Variants in DCAF6 observed in about 807,000 individuals in gnomAD.
The protein encoded by DCAF6 is DDB1 and CUL4 associated factor 6.
In DCAF6, 54 loss-of-function variants were observed where a neutral mutation model predicts 125.1. The observed-to-expected ratio is 0.43, with a 90% CI of 0.35 to 0.54. DCAF6 has a LOEUF of 0.54. Ranked by LOEUF, DCAF6 falls within the 20% of genes least tolerant of loss-of-function variation. DCAF6 has a pLI of 0.01. For missense variants in DCAF6, 934 were observed against 1,161.7 expected, an observed-to-expected ratio of 0.80 and a Z score of 2.85; for synonymous variants, 371 against 390.4, an observed-to-expected ratio of 0.95 and a Z score of 0.58.
the DCAF6 span, chr1:167,919,935 A>G: frequency 6.8e-7 from 1 of 1,465,674 alleles, no homozygotes; most frequent in South Asian, 1.2e-5. Context: ...GTGCCATCTA[A>G]GTAGCTTTTG....
At chr1:168,019,407 A>G (rs1169540286) in intron 11 of DCAF6, 1 of 291,276 alleles carries the variant, frequency 3.4e-6, no homozygotes, top group Non-Finnish European at 7.2e-6. Flanking sequence ...CCTCATATAA[A>G]GGCCCCCATA....
intron 2 of DCAF6, among the ~76,000 whole-genome samples, chr1:167,953,059 T>A (rs1431582089): frequency 6.6e-6 from 1 of 152,196 alleles, no homozygotes; most frequent in African/African-American, 2.4e-5. Context: ...CGATTGACAT[T>A]TTCTTATATA....
the DCAF6 span, among the ~76,000 whole-genome samples, chr1:167,930,676 T>G: frequency 6.6e-6 from 1 of 152,186 alleles, no homozygotes; most frequent in African/African-American, 2.4e-5. Context: ...TGTCTTACAC[T>G]CAGGAGAGTT....
intron 2 of DCAF6, among the ~76,000 whole-genome samples, chr1:167,963,181 T>C (rs1168240279): frequency 6.6e-6 from 1 of 151,998 alleles, no homozygotes; most frequent in Non-Finnish European, 1.5e-5. Context: ...GGAGAATCGC[T>C]TGAACTCAGG....
the DCAF6 span, chr1:167,875,130 C>A: frequency 1.9e-6 from 3 of 1,613,858 alleles, no homozygotes; most frequent in Non-Finnish European, 2.5e-6. Flanking sequence ...CTACTACCTA[C>A]CCAGCAAAGG....
At chr1:168,011,935 TGCACTCCA>T (rs765174645) in intron 10 of DCAF6, among the ~76,000 whole-genome samples, 18 of 152,052 alleles carry the variant, frequency 1.2e-4, no homozygotes, top group Admixed American at 7.9e-4. Flanking sequence ...ATCACTCCAT[TGCACTCCA>T]GCCTGGGCGA....
chr1:168,046,547 C>T (rs1233394980), intron 16 of DCAF6, among the ~76,000 whole-genome samples: 1 of 152,058 alleles, frequency 6.6e-6, no homozygotes, highest in Non-Finnish European at 1.5e-5. Context: ...AAGAATTTCC[C>T]ATGTTTATAC....
intron 2 of DCAF6, among the ~76,000 whole-genome samples, chr1:167,957,405 T>C (rs1387027888): frequency 6.6e-6 from 1 of 152,184 alleles, no homozygotes; most frequent in East Asian, 1.9e-4. Flanking sequence ...GTTTTCAAGG[T>C]TAATCCATGT....
At chr1:167,941,517 T>C (rs191265276) in intron 1 of DCAF6, among the ~76,000 whole-genome samples, 7 of 152,284 alleles carry the variant, frequency 4.6e-5, no homozygotes, top group Admixed American at 3.9e-4. Context: ...ACAACGAAAA[T>C]AAAGGATTCT....
At chr1:167,894,042 C>T in the DCAF6 span, 3 of 785,860 alleles carry the variant, frequency 3.8e-6, no homozygotes, top group East Asian at 2.7e-5. Flanking sequence ...GGCAGTGGGC[C>T]TTCTTGTCCT....
At chr1:168,073,553 C>A (rs766288283) in intron 21 of DCAF6, among the ~76,000 whole-genome samples, 2 of 152,124 alleles carry the variant, frequency 1.3e-5, no homozygotes, top group Non-Finnish European at 2.9e-5. Context: ...AAAAGTCTAA[C>A]CTCTACTGCA....
At chr1:168,028,419 C>G (rs1481462905) in intron 12 of DCAF6, among the ~76,000 whole-genome samples, 1 of 152,058 alleles carries the variant, frequency 6.6e-6, no homozygotes, top group Non-Finnish European at 1.5e-5. Flanking sequence ...CTTTCTATTC[C>G]TTACAGTGAT....
chr1:167,936,837 T>G lies in DCAF6; in HGVS notation c.-75T>G, dbSNP rs921346460. The G allele has an allele frequency of 7.5e-7, 1 of 1,329,378 alleles. No individual in the cohort carries two copies. The highest frequency in any genetic ancestry group is 1.5e-5 in the African/African-American group (1 of 67,952). The allele number at this position is 1,329,378 out of a possible 1,614,324, so 82.3% of individuals were successfully genotyped here. On this transcript the variant is annotated 5_prime_UTR_variant, in exon 1 of 22. The change abolishes the stop of an existing upstream ORF in the 5' untranslated region. Transcript: ENST00000367840. Reference sequence around the variant, plus strand: ...GATGGTGCCGGTGCGGCTCGGGTGTTGAAACGGGTGTCCCCTCCCCCTCCT... The same window carrying G: ...GATGGTGCCGGTGCGGCTCGGGTGTGGAAACGGGTGTCCCCTCCCCCTCCT...
intron 2 of DCAF6, among the ~76,000 whole-genome samples, chr1:167,959,235 A>G (rs1381953046): frequency 6.6e-6 from 1 of 152,226 alleles, no homozygotes; most frequent in East Asian, 1.9e-4. Context: ...AGAGCTGAAT[A>G]ATACTTCATT....
intron 12 of DCAF6, among the ~76,000 whole-genome samples, chr1:168,027,246 C>A (rs1283408947): frequency 1.3e-5 from 2 of 151,820 alleles, no homozygotes; most frequent in Non-Finnish European, 2.9e-5. Context: ...TTTCATAAGC[C>A]CAATTAAGAA....
At chr1:167,901,491 T>C in the DCAF6 span, among the ~76,000 whole-genome samples, 4,217 of 152,256 alleles carry the variant, frequency 0.028, 185 homozygotes, top group African/African-American at 0.096. Context: ...TTCTCTCAAC[T>C]GGTATGTGAG....
chr1:167,883,688 C>T, the DCAF6 span: 4 of 1,517,630 alleles, frequency 2.6e-6, no homozygotes, highest in African/African-American at 2.7e-5. Context: ...TCCCCCAACA[C>T]CGCCCCCACC....
At chr1:168,050,268 A>G (rs193222300) in intron 16 of DCAF6, among the ~76,000 whole-genome samples, 2 of 152,290 alleles carry the variant, frequency 1.3e-5, no homozygotes, top group East Asian at 3.9e-4. Context: ...ACCATGGAGC[A>G]TAGCCCTCAC....
At chr1:167,869,327 A>G in the DCAF6 span, among the ~76,000 whole-genome samples, 1 of 152,234 alleles carries the variant, frequency 6.6e-6, no homozygotes, top group South Asian at 2.1e-4. Context: ...CAAGTGTACT[A>G]TATGAATCAC....
Sources: gnomAD v4.1 joint callset for allele counts (sites outside exome capture counted in the v4.1 genomes callset) on GRCh38, gnomAD v4.1.1 for gene constraint, MANE v1.5 for transcripts, NCBI Gene and HGNC (gene_info 2026-07-23, HGNC 2026-07-21) for gene names.